The following TMEM132D variants were observed in gnomAD, a reference collection of about 807,000 sequenced individuals.
The protein encoded by TMEM132D is mature OL transmembrane protein.
Under a neutral mutation model 62.3 loss-of-function variants are expected in TMEM132D, and 21 were observed. The ratio of observed to expected loss-of-function variants is 0.34; its 90% confidence interval spans 0.24 to 0.49. The LOEUF (loss-of-function observed/expected upper bound fraction) is 0.49, where lower values mean the gene tolerates loss of function less well. Among genes scored for constraint, TMEM132D ranks in the 20% least tolerant of loss-of-function variants. TMEM132D has a pLI of 0.99. For synonymous variants in TMEM132D, 621 were observed against 575.6 expected, an observed-to-expected ratio of 1.08 and a Z score of -1.13; for missense variants, 1,346 against 1,402.8, an observed-to-expected ratio of 0.96 and a Z score of 0.65.
At chr12:129,889,457 C>A (rs1411247083) in intron 1 of TMEM132D, among the ~76,000 whole-genome samples, 1 of 152,162 alleles carries the variant, frequency 6.6e-6, no homozygotes, top group Non-Finnish European at 1.5e-5. Context: ...GAACCTTTCC[C>A]ATATTAAGCC....
At chr12:129,516,975 T>C (rs1268814240) in intron 3 of TMEM132D, among the ~76,000 whole-genome samples, 1 of 152,144 alleles carries the variant, frequency 6.6e-6, no homozygotes, top group African/African-American at 2.4e-5. Flanking sequence ...CATCTCCTAC[T>C]TCTGACACCA....
chr12:129,761,019 T>C lies in TMEM132D; in HGVS notation c.80-60321A>G, dbSNP rs566705137. Among the ~76,000 whole-genome samples the C allele has an allele frequency of 2.6e-5, 4 of 151,260 alleles. No homozygotes were observed. The South Asian group carries it at 8.4e-4, about 32-fold the overall frequency. On this transcript the variant is annotated intron_variant, in intron 1 of 8. Transcript: ENST00000422113. The stretch of plus-strand genomic sequence containing the variant: ...TCTTTATAAGTTCTACACATACTGA[T>C]TTAGTGTTAGTGGGGAAAAGAAAAA...
chr12:129,125,208 T>C lies in TMEM132D; in HGVS notation c.1444-40506A>G, dbSNP rs12306258. Among the ~76,000 whole-genome samples, 247 of 152,312 alleles carry C rather than the reference T, an allele frequency of 1.6e-3. 1 individual carries two copies. The highest frequency in any genetic ancestry group is 5.5e-3 in the African/African-American group (227 of 41,568). On this transcript the variant is annotated intron_variant, in intron 5 of 8. Transcript: ENST00000422113. ...ATTATGTACTTTAATATTTGAAACA[T>C]TGAGACCATCTATTAAACACACTTC... is the stretch of plus-strand genomic sequence containing the variant.
At chr12:129,713,313 G>A (rs1868447331) in intron 1 of TMEM132D, among the ~76,000 whole-genome samples, 1 of 152,040 alleles carries the variant, frequency 6.6e-6, no homozygotes, top group Non-Finnish European at 1.5e-5. Context: ...ATGGATACCT[G>A]ACTGCACAAA....
chr12:129,616,161 T>C (rs1490412387), intron 2 of TMEM132D, among the ~76,000 whole-genome samples: 3 of 152,184 alleles, frequency 2.0e-5, no homozygotes, highest in Non-Finnish European at 4.4e-5. Flanking sequence ...ATAAATGGGA[T>C]AGATGCCATA....
At chr12:129,743,902 A>G (rs1869688788) in intron 1 of TMEM132D, among the ~76,000 whole-genome samples, 1 of 152,204 alleles carries the variant, frequency 6.6e-6, no homozygotes, top group Admixed American at 6.5e-5. Context: ...CAGAAGACAC[A>G]CAGCTCTGCC....
At chr12:129,663,557 T>G (rs1363177608) in intron 2 of TMEM132D, among the ~76,000 whole-genome samples, 1 of 152,132 alleles carries the variant, frequency 6.6e-6, no homozygotes, top group Non-Finnish European at 1.5e-5. Context: ...CAAAGTCCTC[T>G]AGGAAGTGGA....
At position 129,734,223 on chromosome 12, in the gene TMEM132D, A is replaced by T. The variant is rs114995157; in HGVS notation, c.80-33525T>A. 8.3e-3 allele frequency among the ~76,000 whole-genome samples: 1,262 copies of T among 152,284 alleles called. 14 individuals carry two copies. Among genetic ancestry groups the T allele is most frequent in the African/African-American group, 0.029 (1,220 of 41,558 alleles). On this transcript the variant is annotated intron_variant, in intron 1 of 8. Transcript: ENST00000422113. ...ATCATTCTGTCCTGGTATTTGACCT[A>T]AGGAAAGTATAAGATGTCATGAACA... is the stretch of plus-strand genomic sequence containing the variant.
chr12:129,700,894 A>C, intron 1 of TMEM132D, among the ~76,000 whole-genome samples, 196 bp from the exon 2 acceptor site: 1 of 152,204 alleles, frequency 6.6e-6, no homozygotes, highest in African/African-American at 2.4e-5. Flanking sequence ...CACCAACCTA[A>C]GTAGAAAACC....
In TMEM132D at chr12:129,779,334, G is replaced by C. The variant is rs752263795; in HGVS notation, c.80-78636C>G. ...GACAGGGTCTCACTTTGTCGCCCAGGCTGGAGAGCAGTGGTGTTATCTCTG... is the reference window on the plus strand; with the variant it reads ...GACAGGGTCTCACTTTGTCGCCCAGCCTGGAGAGCAGTGGTGTTATCTCTG... On this transcript the variant is annotated intron_variant, in intron 1 of 8. Coordinates refer to ENST00000422113, the MANE Select transcript of TMEM132D (RefSeq NM_133448.3). The surrounding 1 kb of genome is among the most constrained non-coding windows in gnomAD (Gnocchi z 4.1). Among the ~76,000 whole-genome samples the C allele has an allele frequency of 6.6e-6, 1 of 152,182 alleles. No homozygotes were observed. The highest frequency in any genetic ancestry group is 2.4e-5 in the African/African-American group (1 of 41,452).
intron 3 of TMEM132D, among the ~76,000 whole-genome samples, chr12:129,342,680 A>G (rs1869535527): frequency 6.6e-6 from 1 of 152,166 alleles, no homozygotes; most frequent in African/African-American, 2.4e-5. Flanking sequence ...TACTCATCTG[A>G]CAAAGGGCTA....
At chr12:129,480,605 G>A (rs1312423598) in intron 3 of TMEM132D, among the ~76,000 whole-genome samples, 1 of 152,184 alleles carries the variant, frequency 6.6e-6, no homozygotes, top group East Asian at 1.9e-4. Context: ...TGACCATCTG[G>A]TTCTGAGTCA....
intron 3 of TMEM132D, among the ~76,000 whole-genome samples, chr12:129,350,876 G>C (rs1016756212): frequency 2.0e-5 from 3 of 152,284 alleles, no homozygotes; most frequent in East Asian, 1.9e-4. Flanking sequence ...TTAGAAAACA[G>C]CTAAACTCCA....
chr12:129,259,870 A>G (rs146856705), intron 4 of TMEM132D, among the ~76,000 whole-genome samples: 7 of 152,304 alleles, frequency 4.6e-5, no homozygotes, highest in Non-Finnish European at 8.8e-5. Context: ...GACTTGAGCA[A>G]TGGGGCTGAG....
chr12:129,794,938 G>T (rs964683145), intron 1 of TMEM132D, among the ~76,000 whole-genome samples: 2 of 152,132 alleles, frequency 1.3e-5, no homozygotes, highest in African/African-American at 4.8e-5. Context: ...TACTAAAAGT[G>T]TGCCACACGA....
intron 2 of TMEM132D, among the ~76,000 whole-genome samples, chr12:129,554,195 A>AG (rs1201818869): frequency 2.6e-5 from 4 of 152,188 alleles, no homozygotes; most frequent in Admixed American, 2.6e-4. Flanking sequence ...GGCCACACCA[A>AG]GCCAGGGTCA....
chr12:129,849,510 T>C (rs1441491191), intron 1 of TMEM132D, among the ~76,000 whole-genome samples: 1 of 152,236 alleles, frequency 6.6e-6, no homozygotes, highest in African/African-American at 2.4e-5. Flanking sequence ...ACTCGAGTTA[T>C]GTGAACACAG....
At chr12:129,242,716 TCTTC>T (rs1241406610) in intron 4 of TMEM132D, among the ~76,000 whole-genome samples, 1 of 152,124 alleles carries the variant, frequency 6.6e-6, no homozygotes, top group Non-Finnish European at 1.5e-5. Context: ...AATTTTTCTC[TCTTC>T]CTTCAATTTT....
At chr12:129,589,274 G>A (rs1456816106) in intron 2 of TMEM132D, among the ~76,000 whole-genome samples, 4 of 152,036 alleles carry the variant, frequency 2.6e-5, no homozygotes, top group African/African-American at 9.7e-5. Context: ...CCTTTCAGTT[G>A]GCTCTCATTC....
Sources: allele counts gnomAD v4.1 joint callset (sites outside exome capture counted in the v4.1 genomes callset), GRCh38; gene constraint gnomAD v4.1.1; non-coding constraint Gnocchi (gnomAD v3.1); transcripts MANE v1.5; gene names NCBI Gene and HGNC (gene_info 2026-07-23, HGNC 2026-07-21).